The following GRID2 variants were observed in gnomAD, a reference collection of about 807,000 sequenced individuals.
GRID2 encodes glutamate ionotropic receptor delta type subunit 2, also known as glutamate receptor ionotropic, delta-2.
Under a neutral mutation model 114.8 loss-of-function variants are expected in GRID2, and 33 were observed. The observed-to-expected ratio is 0.29, with a 90% CI of 0.22 to 0.38. The LOEUF (loss-of-function observed/expected upper bound fraction) is 0.38, where lower values mean the gene tolerates loss of function less well. Among genes scored for constraint, GRID2 ranks in the 10% least tolerant of loss-of-function variants. The probability of loss-of-function intolerance (pLI) is 1.00; values close to 1 mark genes in which losing one functional copy is unlikely to be tolerated. For synonymous variants in GRID2, 505 were observed against 449.9 expected, an observed-to-expected ratio of 1.12 and a Z score of -1.55; for missense variants, 1,184 against 1,257.7, an observed-to-expected ratio of 0.94 and a Z score of 0.89.
intron 8 of GRID2, among the ~76,000 whole-genome samples, chr4:93,326,867 A>G (rs1165716195): frequency 1.3e-5 from 2 of 152,220 alleles, no homozygotes; most frequent in African/African-American, 4.8e-5. Flanking sequence ...TCAACTGTGT[A>G]TATAGAAGAT....
chr4:93,064,330 A>C (rs1728075260), intron 2 of GRID2, among the ~76,000 whole-genome samples: 1 of 151,780 alleles, frequency 6.6e-6, no homozygotes, highest in East Asian at 1.9e-4. Flanking sequence ...TTGAAATAGT[A>C]ATGTGACCTA....
Position 93,131,087 on chromosome 4 carries a change from C to G in GRID2, c.735+20134C>G, listed in dbSNP as rs1579074749. Among the ~76,000 whole-genome samples, 3 of 150,628 alleles carry G rather than the reference C, an allele frequency of 2.0e-5. No individual in the cohort carries two copies. The East Asian group carries it at 5.8e-4, about 29-fold the overall frequency. On this transcript the variant is annotated intron_variant, in intron 4 of 15. Transcript: ENST00000282020. ...AGCAATGACCAACCCTCTCCCTAGACAGCCTACTTTTGGTATTTTGGGACT... is the reference window on the plus strand; with the variant it reads ...AGCAATGACCAACCCTCTCCCTAGAGAGCCTACTTTTGGTATTTTGGGACT...
At chr4:92,314,535 A>G (rs1725870612) in intron 1 of GRID2, among the ~76,000 whole-genome samples, 1 of 152,210 alleles carries the variant, frequency 6.6e-6, no homozygotes, top group African/African-American at 2.4e-5. Context: ...GAGGATACCT[A>G]ATCCAGAAAT....
At chr4:92,524,596 G>A (rs369849015) in intron 1 of GRID2, among the ~76,000 whole-genome samples, 28 of 151,398 alleles carry the variant, frequency 1.8e-4, no homozygotes, top group African/African-American at 6.5e-4. Context: ...GGACCTCCCC[G>A]AAAAATCCAG....
At chr4:92,567,538 T>C (rs190008994) in intron 1 of GRID2, among the ~76,000 whole-genome samples, 1 of 152,136 alleles carries the variant, frequency 6.6e-6, no homozygotes, top group Non-Finnish European at 1.5e-5. Context: ...ATAAATCTAA[T>C]TGCATTTAGA....
rs1482682451 is a variant in GRID2 at position 93,603,971 on chromosome 4, G to A, written c.2194-22298G>A. On this transcript the variant is annotated intron_variant, in intron 13 of 15. Coordinates refer to ENST00000282020, the MANE Select transcript of GRID2 (RefSeq NM_001510.4). ...GAGCTCCGATGGGGATGTACAAGGA[G>A]ATCAATGTTTTCATGCCTGCTAACA... Among the ~76,000 whole-genome samples, 13 of 152,178 alleles carry A rather than the reference G, an allele frequency of 8.5e-5. 1 individual carries two copies. The highest frequency in any genetic ancestry group is 8.5e-4 in the Admixed American group (13 of 15,282).
chr4:93,469,436 T>G (rs890261389), intron 11 of GRID2, among the ~76,000 whole-genome samples: 4 of 151,868 alleles, frequency 2.6e-5, no homozygotes, highest in Non-Finnish European at 5.9e-5. Context: ...GAAATTAAAT[T>G]GAATATTTTT....
chr4:92,701,229 A>C (rs1579870450), intron 2 of GRID2, among the ~76,000 whole-genome samples: 1 of 152,154 alleles, frequency 6.6e-6, no homozygotes, highest in South Asian at 2.1e-4. Context: ...TTTGTGTCTA[A>C]TGCATAATAA....
chr4:93,543,374 A>C (rs150276998), intron 13 of GRID2, among the ~76,000 whole-genome samples: 1 of 152,208 alleles, frequency 6.6e-6, no homozygotes, highest in Non-Finnish European at 1.5e-5. Context: ...TGAGTTGCCA[A>C]CAGAGTAAAC....
chr4:93,694,543 G>A (rs1476055120), intron 14 of GRID2, among the ~76,000 whole-genome samples: 1 of 152,036 alleles, frequency 6.6e-6, no homozygotes, highest in Non-Finnish European at 1.5e-5. Flanking sequence ...TATCACTTCT[G>A]TTTTAACACT....
intron 8 of GRID2, among the ~76,000 whole-genome samples, chr4:93,278,251 G>T (rs568035174): frequency 1.5e-5 from 2 of 133,758 alleles, no homozygotes; most frequent in East Asian, 2.0e-4. Context: ...TGGCTTTGAA[G>T]AAATAATTTT....
chr4:93,378,881 T>A (rs772466439), intron 8 of GRID2, among the ~76,000 whole-genome samples: 1 of 152,068 alleles, frequency 6.6e-6, no homozygotes, highest in Non-Finnish European at 1.5e-5. Context: ...CTGAAAATTA[T>A]TTTTTTGGTT....
chr4:93,592,480 T>G (rs1409946427), intron 13 of GRID2, among the ~76,000 whole-genome samples: 2 of 152,144 alleles, frequency 1.3e-5, no homozygotes, highest in African/African-American at 4.8e-5. Context: ...CTTCCAAGTA[T>G]GTGGTCAATT....
intron 2 of GRID2, among the ~76,000 whole-genome samples, chr4:92,698,213 A>G (rs540720018): frequency 4.1e-4 from 63 of 152,264 alleles, no homozygotes; most frequent in Non-Finnish European, 7.4e-4. Flanking sequence ...GCCATAATAA[A>G]TGAAATTAAT....
At chr4:93,163,399 T>TATATATGTATATATATATAC in intron 4 of GRID2, among the ~76,000 whole-genome samples, 1 of 49,152 alleles carries the variant, frequency 2.0e-5, no homozygotes, top group African/African-American at 7.9e-5. Flanking sequence ...TATATATATA[T>TATATATGTATATATATATAC]ACACTATATA....
chr4:92,507,308 C>A (rs945550794), intron 1 of GRID2, among the ~76,000 whole-genome samples: 1 of 151,794 alleles, frequency 6.6e-6, no homozygotes, highest in Admixed American at 6.6e-5. Flanking sequence ...GATGATACAC[C>A]ACTTGGATGT....
intron 2 of GRID2, among the ~76,000 whole-genome samples, chr4:92,824,469 G>A (rs1302083722): frequency 2.6e-5 from 4 of 151,858 alleles, no homozygotes; most frequent in Non-Finnish European, 5.9e-5. Context: ...TAGTTTCATG[G>A]CTAGGGTTTT....
intron 8 of GRID2, among the ~76,000 whole-genome samples, chr4:93,304,999 C>G (rs1161988656): frequency 6.6e-6 from 1 of 152,090 alleles, no homozygotes; most frequent in Admixed American, 6.6e-5. Flanking sequence ...GTAATTTTGA[C>G]AATTTTGATT....
At chr4:92,747,691 T>C (rs1737220835) in intron 2 of GRID2, among the ~76,000 whole-genome samples, 1 of 152,162 alleles carries the variant, frequency 6.6e-6, no homozygotes, top group Non-Finnish European at 1.5e-5. Context: ...CCTTTCCTTT[T>C]TCCTCAAGAA....
Sources: gnomAD v4.1 joint callset for allele counts (sites outside exome capture counted in the v4.1 genomes callset) on GRCh38, gnomAD v4.1.1 for gene constraint, MANE v1.5 for transcripts, NCBI Gene and HGNC (gene_info 2026-07-23, HGNC 2026-07-21) for gene names.